The following ST6GALNAC3 variants were observed in gnomAD, a reference collection of about 807,000 sequenced individuals.
The protein encoded by ST6GALNAC3 is ST6 N-acetylgalactosaminide alpha-2,6-sialyltransferase 3.
ST6GALNAC3 carries 25 observed loss-of-function variants against 32.7 expected under a neutral mutation model. The observed-to-expected ratio is 0.76, with a 90% CI of 0.56 to 1.07. The LOEUF (loss-of-function observed/expected upper bound fraction) is 1.07, where lower values mean the gene tolerates loss of function less well. ST6GALNAC3 is among the 50% of genes least tolerant of loss of function. The pLI is 0.00. For missense variants in ST6GALNAC3, 355 were observed against 382.4 expected, an observed-to-expected ratio of 0.93 and a Z score of 0.60; for synonymous variants, 129 against 133.1, an observed-to-expected ratio of 0.97 and a Z score of 0.21.
rs2631794 is a variant in ST6GALNAC3, at chr1:76,192,167, T to A, written c.18+117283T>A. Among the ~76,000 whole-genome samples, 123 of 152,142 alleles carry A rather than the reference T, an allele frequency of 8.1e-4. 1 individual carries two copies. The highest frequency in any genetic ancestry group is 1.6e-3 in the Non-Finnish European group (111 of 68,004). ...ATAATTAAAGAAACTAATATAATAC[T>A]GATATAAAATGTGGGACTGTTTTGA... On this transcript the variant is annotated intron_variant, in intron 1 of 4. Transcript: ENST00000328299.
intron 3 of ST6GALNAC3, among the ~76,000 whole-genome samples, chr1:76,450,920 A>T (rs1657347492): frequency 6.6e-6 from 1 of 152,124 alleles, no homozygotes; most frequent in Non-Finnish European, 1.5e-5. Flanking sequence ...GCCTATCTTT[A>T]TACCAGTAAC....
At chr1:76,397,991 T>C (rs1653108536) in intron 2 of ST6GALNAC3, among the ~76,000 whole-genome samples, 1 of 152,194 alleles carries the variant, frequency 6.6e-6, no homozygotes, top group Non-Finnish European at 1.5e-5. Context: ...CCCTTCACCC[T>C]GCCTCTGGGT....
chr1:76,491,757 G>C (rs1660515601), intron 3 of ST6GALNAC3, among the ~76,000 whole-genome samples: 1 of 152,142 alleles, frequency 6.6e-6, no homozygotes, highest in East Asian at 1.9e-4. Context: ...AGAAGTGAAG[G>C]GGCAAGCACT....
chr1:76,451,974 C>A (rs1371515457), intron 3 of ST6GALNAC3, among the ~76,000 whole-genome samples: 1 of 152,110 alleles, frequency 6.6e-6, no homozygotes, highest in African/African-American at 2.4e-5. Context: ...AGTGGTAAGA[C>A]TGGACATCCT....
Position 76,273,797 on chromosome 1 carries a change from G to A in ST6GALNAC3, c.19-40008G>A, listed in dbSNP as rs141824036. 2.1e-3 allele frequency among the ~76,000 whole-genome samples: 323 copies of A among 152,146 alleles called. 3 individuals carry two copies. Among genetic ancestry groups the A allele is most frequent in the African/African-American group, 7.0e-3 (290 of 41,528 alleles). On this transcript the variant is annotated intron_variant, in intron 1 of 4. Coordinates refer to ENST00000328299, the MANE Select transcript of ST6GALNAC3 (RefSeq NM_152996.4). ...ACTTTTGGTAGCAATCTAAATATCCGCTCGTAAGATGTATAAGTAATTTTT... is the reference window on the plus strand; with the variant it reads ...ACTTTTGGTAGCAATCTAAATATCCACTCGTAAGATGTATAAGTAATTTTT...
chr1:76,224,070 C>T (rs1655933769), intron 1 of ST6GALNAC3, among the ~76,000 whole-genome samples: 1 of 152,188 alleles, frequency 6.6e-6, no homozygotes, highest in South Asian at 2.1e-4. Context: ...ACTCACCCCA[C>T]ACTGACCTAT....
chr1:76,086,026 G>C (rs368168683), intron 1 of ST6GALNAC3, among the ~76,000 whole-genome samples: 5 of 152,338 alleles, frequency 3.3e-5, no homozygotes, highest in Non-Finnish European at 7.4e-5. Flanking sequence ...GCACGAGCTA[G>C]GGGCTGGGAC....
intron 1 of ST6GALNAC3, among the ~76,000 whole-genome samples, chr1:76,118,802 G>A (rs1190439228): frequency 1.3e-5 from 2 of 152,014 alleles, no homozygotes; most frequent in East Asian, 1.9e-4. Flanking sequence ...CAGTTTTCCT[G>A]AAGTATCTTC....
At chr1:76,176,560 G>A (rs1201392032) in intron 1 of ST6GALNAC3, among the ~76,000 whole-genome samples, 1 of 152,164 alleles carries the variant, frequency 6.6e-6, no homozygotes, top group Non-Finnish European at 1.5e-5. Flanking sequence ...ATTATTGATT[G>A]ATCACCCACC....
At chr1:76,372,230 G>A (rs755666193) in intron 2 of ST6GALNAC3, among the ~76,000 whole-genome samples, 4 of 152,042 alleles carry the variant, frequency 2.6e-5, no homozygotes, top group Admixed American at 1.3e-4. Context: ...CTGGGCAGAC[G>A]GTACTGAAAC....
rs1436088 is a variant in ST6GALNAC3 at position 76,509,793 on chromosome 1, T to C, written c.623+97376T>C. ...ATTTCTGCTTCCATTCTCACATATCTTTTCCTCACATTGCTGTTTCTCTAT... is the reference window on the plus strand; with the variant it reads ...ATTTCTGCTTCCATTCTCACATATCCTTTCCTCACATTGCTGTTTCTCTAT... On this transcript the variant is annotated intron_variant, in intron 3 of 4. Transcript: ENST00000328299. This position sits in a 1 kb window ranked among gnomAD's most constrained non-coding sequence, Gnocchi z 5.5. Among the ~76,000 whole-genome samples, 61,572 of 151,982 alleles carry C rather than the reference T, an allele frequency of 0.41. 13,436 individuals carry two copies. The highest frequency in any genetic ancestry group is 0.83 in the East Asian group (4,243 of 5,138).
At chr1:76,606,873 T>C (rs1380576436) in intron 3 of ST6GALNAC3, among the ~76,000 whole-genome samples, 2 of 148,976 alleles carry the variant, frequency 1.3e-5, no homozygotes, top group Non-Finnish European at 3.0e-5. Context: ...TTTTTTTTTT[T>C]CATGCCGACC....
intron 3 of ST6GALNAC3, among the ~76,000 whole-genome samples, chr1:76,455,121 T>C (rs1231375802): frequency 6.6e-6 from 1 of 152,190 alleles, no homozygotes; most frequent in Non-Finnish European, 1.5e-5. Flanking sequence ...TTTTCAACAC[T>C]ACTTTTGCAT....
At chr1:76,448,829 C>T (rs1023417260) in intron 3 of ST6GALNAC3, among the ~76,000 whole-genome samples, 2 of 152,038 alleles carry the variant, frequency 1.3e-5, no homozygotes, top group African/African-American at 4.8e-5. Flanking sequence ...ATATAAATTA[C>T]CCAGTCTTGG....
intron 1 of ST6GALNAC3, among the ~76,000 whole-genome samples, chr1:76,144,714 GTCT>G (rs1650567570): frequency 1.3e-5 from 2 of 152,218 alleles, no homozygotes; most frequent in Admixed American, 1.3e-4. Flanking sequence ...AAGCAAACTA[GTCT>G]ATAGTTCCTG....
At chr1:76,185,193 C>T (rs1360459456) in intron 1 of ST6GALNAC3, among the ~76,000 whole-genome samples, 2 of 152,128 alleles carry the variant, frequency 1.3e-5, no homozygotes, top group African/African-American at 2.4e-5. Flanking sequence ...CCCAGGTCAA[C>T]GTTATCTAGT....
intron 2 of ST6GALNAC3, among the ~76,000 whole-genome samples, chr1:76,350,299 T>C (rs1648867650): frequency 6.6e-6 from 1 of 152,186 alleles, no homozygotes; most frequent in Non-Finnish European, 1.5e-5. Flanking sequence ...GTAGCTAAGA[T>C]GACAGGCGCA....
intron 3 of ST6GALNAC3, among the ~76,000 whole-genome samples, chr1:76,602,243 G>T (rs181021682): frequency 6.6e-6 from 1 of 152,268 alleles, no homozygotes; most frequent in Admixed American, 6.5e-5. Flanking sequence ...TACGAATGGG[G>T]AATGTGTCAG....
chr1:76,391,112 T>C (rs1485059941), intron 2 of ST6GALNAC3, among the ~76,000 whole-genome samples: 1 of 151,674 alleles, frequency 6.6e-6, no homozygotes, highest in Non-Finnish European at 1.5e-5. Flanking sequence ...GCTAATGTTT[T>C]TGTATTTTTA....
Sources: gnomAD v4.1 joint callset for allele counts (sites outside exome capture counted in the v4.1 genomes callset) on GRCh38, gnomAD v4.1.1 for gene constraint, Gnocchi (gnomAD v3.1) non-coding constraint, MANE v1.5 for transcripts, NCBI Gene and HGNC (gene_info 2026-07-23, HGNC 2026-07-21) for gene names.